NXPE4: variants seen among roughly 807,000 people sequenced by gnomAD.
The protein encoded by NXPE4 is neurexophilin and PC-esterase domain family member 4, also known as NXPE family member 4.
In NXPE4, 42 loss-of-function variants were observed where a neutral mutation model predicts 33.3. That is an observed-to-expected ratio of 1.26 (90% CI 0.98 to 1.63). The LOEUF is 1.63. Ranked by LOEUF, NXPE4 falls within the 40% of genes most tolerant of loss-of-function variation. The pLI is 0.00. For synonymous variants in NXPE4, 253 were observed against 234.9 expected, an observed-to-expected ratio of 1.08 and a Z score of -0.71; for missense variants, 709 against 647.6, an observed-to-expected ratio of 1.09 and a Z score of -1.03.
chr11:114,576,973 G>A (rs1328426799), intron 5 of NXPE4, among the ~76,000 whole-genome samples: 2 of 118,386 alleles, frequency 1.7e-5, no homozygotes, highest in Non-Finnish European at 3.3e-5. Flanking sequence ...TAAAGAAGAT[G>A]TTTATATATA....
the NXPE4 span, among the ~76,000 whole-genome samples, chr11:114,619,167 C>T: frequency 1.3e-5 from 2 of 150,306 alleles, no homozygotes; most frequent in Admixed American, 1.3e-4. Flanking sequence ...AGTATTGCCT[C>T]TAGGGTTATC....
chr11:114,609,690 A>G, the NXPE4 span, among the ~76,000 whole-genome samples: 4 of 149,444 alleles, frequency 2.7e-5, no homozygotes, highest in African/African-American at 9.9e-5. Context: ...GTATTTCCTC[A>G]TGGGTAACCA....
At chr11:114,623,542 G>A in the NXPE4 span, among the ~76,000 whole-genome samples, 1 of 151,956 alleles carries the variant, frequency 6.6e-6, no homozygotes, top group Non-Finnish European at 1.5e-5. Context: ...ACTGTTACCT[G>A]GCAGATAATA....
At chr11:114,603,115 C>G in the NXPE4 span, among the ~76,000 whole-genome samples, 783 of 151,914 alleles carry the variant, frequency 5.2e-3, 3 homozygotes, top group Middle Eastern at 0.01. Flanking sequence ...TCATAGGTAA[C>G]TACTATTATC....
chr11:114,594,438 C>A lies in NXPE4; in HGVS notation c.96+226G>T, dbSNP rs560204682. Among the ~76,000 whole-genome samples, 12 of 152,226 alleles carry A rather than the reference C, an allele frequency of 7.9e-5. No homozygotes were observed. The East Asian group carries it at 1.4e-3, about 17-fold the overall frequency. On this transcript the variant is annotated intron_variant, in intron 2 of 5. Coordinates refer to ENST00000375478, the MANE Select transcript of NXPE4 (RefSeq NM_001077639.2). ...AGCTAAGCATTGAAGAAGATAGGTG[C>A]AATGCATTTATTTGTGACAAAGAAA...
At chr11:114,669,462 C>T in the NXPE4 span, among the ~76,000 whole-genome samples, 1 of 152,014 alleles carries the variant, frequency 6.6e-6, no homozygotes, top group African/African-American at 2.4e-5. Context: ...TCATTCCTTC[C>T]AGTTGTGTGT....
At chr11:114,604,349 G>A in the NXPE4 span, among the ~76,000 whole-genome samples, 1 of 152,026 alleles carries the variant, frequency 6.6e-6, no homozygotes, top group East Asian at 1.9e-4. Context: ...GGTAACCACT[G>A]TTACCCAGTG....
the NXPE4 span, among the ~76,000 whole-genome samples, chr11:114,603,997 T>C: frequency 1.3e-5 from 2 of 151,918 alleles, no homozygotes; most frequent in Non-Finnish European, 2.9e-5. Flanking sequence ...TATTGCCTCG[T>C]CTCCTAGGTA....
At chr11:114,627,317 T>A in the NXPE4 span, among the ~76,000 whole-genome samples, 64 of 152,126 alleles carry the variant, frequency 4.2e-4, 1 homozygote, top group Middle Eastern at 3.4e-3. Context: ...TAACAGCAGA[T>A]CTCTTGGCAG....
At chr11:114,656,539 C>G in the NXPE4 span, among the ~76,000 whole-genome samples, 1 of 152,122 alleles carries the variant, frequency 6.6e-6, no homozygotes, top group East Asian at 1.9e-4. Context: ...AAATGGGTAT[C>G]AAATATGTTG....
the NXPE4 span, among the ~76,000 whole-genome samples, chr11:114,606,967 C>A: frequency 6.6e-6 from 1 of 151,832 alleles, no homozygotes. Context: ...ATAAGTGTTG[C>A]CTTGTGGGTA....
At chr11:114,608,047 T>G in the NXPE4 span, among the ~76,000 whole-genome samples, 34 of 151,920 alleles carry the variant, frequency 2.2e-4, no homozygotes, top group Middle Eastern at 3.4e-3. Context: ...GGATAATAAG[T>G]GTTTCCTCGG....
chr11:114,664,095 T>A, the NXPE4 span, among the ~76,000 whole-genome samples: 1 of 152,160 alleles, frequency 6.6e-6, no homozygotes, highest in Admixed American at 6.6e-5. Flanking sequence ...GAGGTTTTAT[T>A]CACAATTGCC....
At chr11:114,638,266 G>A in the NXPE4 span, among the ~76,000 whole-genome samples, 1 of 151,872 alleles carries the variant, frequency 6.6e-6, no homozygotes, top group African/African-American at 2.4e-5. Context: ...CAGCTCCTGA[G>A]GCTTCTGCAT....
upstream of NXPE4, among the ~76,000 whole-genome samples, chr11:114,600,213 A>C (rs1457407830): frequency 6.6e-6 from 1 of 152,200 alleles, no homozygotes; most frequent in Non-Finnish European, 1.5e-5. Context: ...AAAATCAATG[A>C]ACATCTGCTT....
chr11:114,621,769 A>T, the NXPE4 span, among the ~76,000 whole-genome samples: 3 of 151,748 alleles, frequency 2.0e-5, no homozygotes, highest in Admixed American at 6.6e-5. Flanking sequence ...GTATTGCCTC[A>T]TGGGTAACCA....
chr11:114,631,434 A>G, the NXPE4 span, among the ~76,000 whole-genome samples: 1 of 150,058 alleles, frequency 6.7e-6, no homozygotes, highest in Non-Finnish European at 1.5e-5. Flanking sequence ...CAAAAAACCA[A>G]ACACTGCATA....
the NXPE4 span, among the ~76,000 whole-genome samples, chr11:114,640,685 A>G: frequency 1.4e-4 from 22 of 151,874 alleles, no homozygotes; most frequent in African/African-American, 5.3e-4. Flanking sequence ...TATGCTTTTA[A>G]TTTCCATTTC....
At chr11:114,629,651 G>A in the NXPE4 span, among the ~76,000 whole-genome samples, 1 of 152,048 alleles carries the variant, frequency 6.6e-6, no homozygotes, top group African/African-American at 2.4e-5. Flanking sequence ...ATTCATCAGA[G>A]TGTTGGAAGT....
Sources: allele counts gnomAD v4.1 joint callset (sites outside exome capture counted in the v4.1 genomes callset), GRCh38; gene constraint gnomAD v4.1.1; transcripts MANE v1.5; gene names NCBI Gene and HGNC (gene_info 2026-07-23, HGNC 2026-07-21).